Variants in SLC9A8 observed in about 807,000 individuals in gnomAD.
SLC9A8 encodes sodium/hydrogen exchanger 8.
A neutral mutation model predicts 66.6 loss-of-function variants in SLC9A8; 48 were observed. That is an observed-to-expected ratio of 0.72 (90% CI 0.57 to 0.92). SLC9A8 has a LOEUF of 0.92. Ranked by LOEUF, SLC9A8 falls within the 40% of genes least tolerant of loss-of-function variation. The probability of loss-of-function intolerance (pLI) is 0.00; values close to 1 mark genes in which losing one functional copy is unlikely to be tolerated. For missense variants in SLC9A8, 599 were observed against 747.3 expected (o/e 0.80, Z 2.31); for synonymous variants, 274 against 282.6 (o/e 0.97, Z 0.31).
chr20:49,865,863 G>A (rs575428199), intron 10 of SLC9A8, among the ~76,000 whole-genome samples: 129 of 152,370 alleles, frequency 8.5e-4, no homozygotes, highest in African/African-American at 2.9e-3. Context: ...TCCTTTGAGT[G>A]AAGGCCCTTC....
At position 49,862,982 on chromosome 20, in the gene SLC9A8, C is replaced by G. The variant is rs1295632361; in HGVS notation, c.767C>G (p.Thr256Arg). The G allele has an allele frequency of 6.2e-7, 1 of 1,613,640 alleles. No homozygotes were observed. The highest frequency in any genetic ancestry group is 1.7e-5 in the Admixed American group (1 of 59,980). ...ATGTCAGATGTCAGTGGGTGGCAAA[C>G]ATTTTTACAAGCCCTTGACTACTTC... ...KNMSDVSGWQ[T>R]FLQALDYFLK... Residue 256 changes from threonine (T) to arginine (R), a missense_variant, in exon 9 of 16, where the codon ACA becomes AGA. Physicochemically the swap from Thr to Arg is moderately conservative, Grantham distance 71 (BLOSUM62 -1). Transcript: ENST00000361573.
At chr20:49,823,475 AC>A (rs1238105775) in intron 3 of SLC9A8, among the ~76,000 whole-genome samples, 3 of 152,334 alleles carry the variant, frequency 2.0e-5, no homozygotes, top group African/African-American at 7.2e-5. Context: ...ATCCAACTCA[AC>A]TAAGGTAAGT....
At chr20:49,824,383 C>A (rs188393101) in intron 3 of SLC9A8, among the ~76,000 whole-genome samples, 1 of 152,322 alleles carries the variant, frequency 6.6e-6, no homozygotes, top group Admixed American at 6.5e-5. Context: ...CATTAACATT[C>A]CTTTCTGCTA....
intron 10 of SLC9A8, among the ~76,000 whole-genome samples, chr20:49,873,160 A>T (rs1348543217): frequency 6.6e-6 from 1 of 152,208 alleles, no homozygotes; most frequent in African/African-American, 2.4e-5. Flanking sequence ...TTCAAAGTTA[A>T]GGAAAAGTAT....
chr20:49,883,785 G>A (rs2089717817), intron 13 of SLC9A8, 61 bp from the exon 14 acceptor site: 15 of 1,411,638 alleles, frequency 1.1e-5, no homozygotes, highest in African/African-American at 1.4e-5. Flanking sequence ...TTCCAGGGAA[G>A]CCAGCCCATG....
intron 3 of SLC9A8, among the ~76,000 whole-genome samples, chr20:49,826,288 C>T (rs957061729): frequency 8.5e-5 from 13 of 152,248 alleles, no homozygotes; most frequent in East Asian, 3.9e-4. Flanking sequence ...GGAAGGAAAA[C>T]GTTTTTCTCC....
At chr20:49,834,291 TAC>T (rs35799113) in intron 3 of SLC9A8, among the ~76,000 whole-genome samples, 1,792 of 141,990 alleles carry the variant, frequency 0.013, 114 homozygotes, top group Admixed American at 0.086. Flanking sequence ...TATATGTATA[TAC>T]ACACACTATA....
intron 14 of SLC9A8, among the ~76,000 whole-genome samples, chr20:49,885,586 C>G (rs2089859346): frequency 6.6e-6 from 1 of 152,256 alleles, no homozygotes; most frequent in East Asian, 1.9e-4. Flanking sequence ...GCTGCTGCAG[C>G]TGATCCTGTG....
At chr20:49,816,467 C>G (rs1600618440) in intron 2 of SLC9A8, among the ~76,000 whole-genome samples, 1 of 151,826 alleles carries the variant, frequency 6.6e-6, no homozygotes, top group Non-Finnish European at 1.5e-5. Context: ...GTTCAACCTT[C>G]TCTTTTAGTG....
chr20:49,833,508 A>G (rs976093000), intron 3 of SLC9A8, among the ~76,000 whole-genome samples: 2 of 152,250 alleles, frequency 1.3e-5, no homozygotes, highest in Non-Finnish European at 2.9e-5. Flanking sequence ...CTTACTGACC[A>G]GGAATACTTA....
chr20:49,862,848 G>A, intron 8 of SLC9A8, 81 bp from the exon 9 acceptor site: 1 of 1,159,518 alleles, frequency 8.6e-7, no homozygotes, highest in South Asian at 1.5e-5. Context: ...GAGCGAATAA[G>A]CAAGAAATGT....
chr20:49,876,026 A>C lies in SLC9A8; in HGVS notation c.1075+1205A>C, dbSNP rs554864491. Among the ~76,000 whole-genome samples, 11 of 152,274 alleles carry C rather than the reference A, an allele frequency of 7.2e-5. No homozygotes were observed. In the South Asian group the frequency reaches 8.3e-4, roughly 11 times the overall value. ...AGTGCTGGGATTACAGGCATGAGCC[A>C]CCGCACCCGGCCACTTGTCTCATTT... On this transcript the variant is annotated intron_variant, in intron 11 of 15. Coordinates refer to ENST00000361573, the MANE Select transcript of SLC9A8 (RefSeq NM_015266.3).
chr20:49,874,670 G>A (rs56309244), intron 10 of SLC9A8, 35 bp from the exon 11 acceptor site: 56,926 of 1,296,470 alleles, frequency 0.044, 1,387 homozygotes, highest in East Asian at 0.087. Context: ...GGGATCACAC[G>A]GCAGTGCTTT....
rs557948942 is a variant in SLC9A8 at position 49,839,681 on chromosome 20, G to A, written c.348+82G>A. ...TTTTTGTAATTACTTGGCTATCAGTGGAGTTATTTATATTATTATGTTATA... is the reference window on the plus strand; with the variant it reads ...TTTTTGTAATTACTTGGCTATCAGTAGAGTTATTTATATTATTATGTTATA... On this transcript the variant is annotated intron_variant, in intron 4 of 15. Transcript: ENST00000361573. The A allele has an allele frequency of 6.9e-5, 58 of 839,052 alleles. 1 individual carries two copies. The highest frequency in any genetic ancestry group is 6.0e-4 in the South Asian group (37 of 61,788). 52.0% of individuals were successfully genotyped at this position (839,052 alleles called of 1,614,324 possible). A position where few individuals can be genotyped will look rare whatever the true frequency, so the allele number is the denominator to read the frequency against.
chr20:49,856,864 C>T (rs1207255909), intron 8 of SLC9A8, among the ~76,000 whole-genome samples: 1 of 151,686 alleles, frequency 6.6e-6, no homozygotes, highest in Non-Finnish European at 1.5e-5. Flanking sequence ...ATATCACGTG[C>T]CTGTATTCCT....
intron 2 of SLC9A8, among the ~76,000 whole-genome samples, chr20:49,817,924 A>G (rs975399353): frequency 1.7e-4 from 26 of 152,192 alleles, no homozygotes; most frequent in African/African-American, 6.3e-4. Flanking sequence ...TTCTTGATTA[A>G]GAAATCTTTA....
chr20:49,883,909 G>T lies in SLC9A8; in HGVS notation c.1334G>T (p.Arg445Leu). ...LHLDLEPMEK[R>L]QLIGTTTIVI... ...CTGGACCTGGAGCCCATGGAGAAGCGGCAGCTCATCGGCACCACCACCATC... is the reference window on the plus strand; with the variant it reads ...CTGGACCTGGAGCCCATGGAGAAGCTGCAGCTCATCGGCACCACCACCATC... Residue 445 changes from arginine (R) to leucine (L), a missense_variant, in exon 14 of 16, where the codon CGG becomes CTG. This residue lies in a region of SLC9A8 where 467 missense variants were observed against 626.5 expected (regional missense o/e 0.75). Coordinates refer to ENST00000361573, the MANE Select transcript of SLC9A8 (RefSeq NM_015266.3). The T allele has an allele frequency of 6.2e-7, 1 of 1,611,120 alleles. No homozygotes were observed.
intron 10 of SLC9A8, among the ~76,000 whole-genome samples, chr20:49,866,516 C>T (rs948722782): frequency 1.3e-5 from 2 of 152,180 alleles, no homozygotes; most frequent in Non-Finnish European, 2.9e-5. Flanking sequence ...CATATTGCCA[C>T]CACACTTATT....
At chr20:49,841,407 A>G in intron 4 of SLC9A8, among the ~76,000 whole-genome samples, 1 of 151,660 alleles carries the variant, frequency 6.6e-6, no homozygotes. Flanking sequence ...TGGAAACCAG[A>G]TGTGCAGGGA....
Sources: allele counts gnomAD v4.1 joint callset (sites outside exome capture counted in the v4.1 genomes callset), GRCh38; gene constraint gnomAD v4.1.1; regional missense constraint gnomAD v4.1.1; transcripts MANE v1.5; gene names NCBI Gene and HGNC (gene_info 2026-07-23, HGNC 2026-07-21).